Variants in LRRFIP1 observed in about 807,000 individuals in gnomAD.
LRRFIP1 encodes the protein LRR binding FLII interacting protein 1.
A neutral mutation model predicts 104.4 loss-of-function variants in LRRFIP1; 62 were observed. The ratio of observed to expected loss-of-function variants is 0.59; its 90% confidence interval spans 0.48 to 0.73. The LOEUF (loss-of-function observed/expected upper bound fraction) is 0.73. Among genes scored for constraint, LRRFIP1 ranks in the 30% least tolerant of loss-of-function variants. The pLI is 0.00. For synonymous variants in LRRFIP1, 300 were observed against 299.0 expected (o/e 1.00, Z -0.03); for missense variants, 796 against 824.5 (o/e 0.97, Z 0.42).
chr2:237,770,494 C>T (rs1460783567), intron 20 of LRRFIP1: 1 of 157,950 alleles, frequency 6.3e-6, no homozygotes, highest in East Asian at 1.8e-4. Flanking sequence ...TTGCTCTCTC[C>T]TACCTCAAGA....
intron 1 of LRRFIP1, among the ~76,000 whole-genome samples, chr2:237,697,804 G>A (rs2149838723): frequency 6.6e-6 from 1 of 152,322 alleles, no homozygotes; most frequent in South Asian, 2.1e-4. Context: ...GCACAGGGGA[G>A]GCCCAGCCGC....
rs2150899512 is a variant in LRRFIP1 at position 237,767,014 on chromosome 2, AT to A, written c.1460-2928del. Reference sequence around the variant, plus strand: ...ATGAAAGCCCATCTCTACAAAAAAAATATACAAACAATTAGCCAGGCATGGT... The same window carrying A: ...ATGAAAGCCCATCTCTACAAAAAAAAATACAAACAATTAGCCAGGCATGGT... On this transcript the variant is annotated intron_variant, in intron 19 of 23. Transcript: ENST00000308482. Among the ~76,000 whole-genome samples, 4 of 152,304 alleles carry A rather than the reference AT, an allele frequency of 2.6e-5. 1 individual carries two copies. In the South Asian group the frequency reaches 6.2e-4, roughly 24 times the overall value.
chr2:237,735,072 C>T lies in LRRFIP1; in HGVS notation c.490-196C>T, dbSNP rs1461705954. On this transcript the variant is annotated intron_variant, in intron 9 of 23. Coordinates refer to ENST00000308482, the MANE Select transcript of LRRFIP1 (RefSeq NM_001137550.2). This position sits in a 1 kb window ranked among gnomAD's most constrained non-coding sequence, Gnocchi z 4.6. ...CACACCTCCTGACAACGACTAAAAC[C>T]GGTCTCTCCTCATTTCCTTGTCGCA... Among the ~76,000 whole-genome samples, 1 of 152,154 alleles carries T rather than the reference C, an allele frequency of 6.6e-6. No homozygotes were observed. Among genetic ancestry groups the T allele is most frequent in the African/African-American group, 2.4e-5 (1 of 41,434 alleles).
rs56258338 is a variant in LRRFIP1 at position 237,733,636 on chromosome 2, C to T, written c.445-138C>T. The T allele has an allele frequency of 5.3e-3, 3,827 of 725,802 alleles. 18 individuals carry two copies. The highest frequency in any genetic ancestry group is 0.01 in the Middle Eastern group (42 of 4,042). The allele number at this position is 725,802 out of a possible 1,614,324, so 45.0% of individuals were successfully genotyped here. ...CAAATTTGCAGAAAACACGGTGCCT[C>T]GATCGGTTTGTTTCTGTTTAACCAC... is the stretch of plus-strand genomic sequence containing the variant. On this transcript the variant is annotated intron_variant, in intron 8 of 23. Transcript: ENST00000308482.
At chr2:237,736,023 C>T (rs1431305805) in intron 10 of LRRFIP1, among the ~76,000 whole-genome samples, 2 of 152,286 alleles carry the variant, frequency 1.3e-5, no homozygotes, top group African/African-American at 4.8e-5. Flanking sequence ...TGTCTTCAAG[C>T]CCTCCAGGAA....
At chr2:237,729,887 G>T in intron 8 of LRRFIP1, 1 of 897,408 alleles carries the variant, frequency 1.1e-6, no homozygotes, top group Non-Finnish European at 1.3e-6. Flanking sequence ...AGAAACCGCA[G>T]ATTTTGTAGC....
chr2:237,713,544 C>A (rs2094200249), intron 2 of LRRFIP1, among the ~76,000 whole-genome samples: 1 of 152,062 alleles, frequency 6.6e-6, no homozygotes. Flanking sequence ...ATGTGTTCCC[C>A]CATATAAGAC....
chr2:237,686,612 G>C (rs2092390544), intron 1 of LRRFIP1, among the ~76,000 whole-genome samples: 1 of 152,204 alleles, frequency 6.6e-6, no homozygotes, highest in Non-Finnish European at 1.5e-5. Flanking sequence ...GAGGTGGTGG[G>C]AGAGGTTCAG....
intron 23 of LRRFIP1, among the ~76,000 whole-genome samples, chr2:237,775,302 G>A (rs2060984346): frequency 6.6e-6 from 1 of 152,242 alleles, no homozygotes; most frequent in East Asian, 1.9e-4. Context: ...TCCGCGCAAA[G>A]GATCAGCACG....
chr2:237,735,639 G>A lies in LRRFIP1; in HGVS notation c.555+306G>A, dbSNP rs1224526156. On this transcript the variant is annotated intron_variant, in intron 10 of 23. Coordinates refer to ENST00000308482, the MANE Select transcript of LRRFIP1 (RefSeq NM_001137550.2). This position sits in a 1 kb window ranked among gnomAD's most constrained non-coding sequence, Gnocchi z 4.6. ...GAAACCGTCTTCGGTTAATAAAAAC[G>A]GGAAAAGGACAACTTGACAGACCAC... The A allele has an allele frequency of 1.3e-5, 4 of 313,204 alleles. No individual in the cohort carries two copies. The highest frequency in any genetic ancestry group is 9.5e-5 in the Admixed American group (2 of 21,080). The allele number at this position is 313,204 out of a possible 1,614,324, so 19.4% of individuals were successfully genotyped here. A position where few individuals can be genotyped will look rare whatever the true frequency, so the allele number is the denominator to read the frequency against.
At chr2:237,730,479 C>T in intron 8 of LRRFIP1, among the ~76,000 whole-genome samples, 1 of 152,270 alleles carries the variant, frequency 6.6e-6, no homozygotes, top group East Asian at 1.9e-4. Flanking sequence ...CAAAGCTAAG[C>T]AGAGGAGGTG....
At chr2:237,723,138 C>T (rs1026559949) in intron 6 of LRRFIP1, among the ~76,000 whole-genome samples, 8 of 152,086 alleles carry the variant, frequency 5.3e-5, no homozygotes, top group African/African-American at 1.9e-4. Flanking sequence ...CTCAGAAAGT[C>T]TAGATTTTGG....
rs2085504313 is a variant in LRRFIP1 at position 237,649,341 on chromosome 2, C to G, written c.96+21601C>G. Among the ~76,000 whole-genome samples the G allele has an allele frequency of 6.6e-6, 1 of 151,930 alleles. No individual in the cohort carries two copies. Among genetic ancestry groups the G allele is most frequent in the Non-Finnish European group, 1.5e-5 (1 of 67,910 alleles). On this transcript the variant is annotated intron_variant, in intron 1 of 23. Transcript: ENST00000308482. This position sits in a 1 kb window ranked among gnomAD's most constrained non-coding sequence, Gnocchi z 4.1. ...GGTCAGGAGTTCAAGACCAACCTGGCCAACATAGTGAAACCCCATCTCTAC... is the reference window on the plus strand; with the variant it reads ...GGTCAGGAGTTCAAGACCAACCTGGGCAACATAGTGAAACCCCATCTCTAC...
intron 23 of LRRFIP1, among the ~76,000 whole-genome samples, chr2:237,778,609 T>TA (rs2061289887): frequency 6.6e-6 from 1 of 152,232 alleles, no homozygotes; most frequent in Non-Finnish European, 1.5e-5. Context: ...ATGCCTCACT[T>TA]ACCTTTTGTG....
chr2:237,707,873 C>T (rs776392713), intron 1 of LRRFIP1, among the ~76,000 whole-genome samples: 44 of 152,292 alleles, frequency 2.9e-4, no homozygotes, highest in Middle Eastern at 3.4e-3. Context: ...CAGCTAGAAC[C>T]GTTCTGCTAT....
chr2:237,753,840 GT>G (rs2058945491), intron 15 of LRRFIP1, among the ~76,000 whole-genome samples: 1 of 145,376 alleles, frequency 6.9e-6, no homozygotes, highest in Admixed American at 6.9e-5. Context: ...GTGTGTGTGT[GT>G]ATGTATGTAT....
In LRRFIP1 at chr2:237,716,555, A is replaced by G. The variant is rs556982528; in HGVS notation, c.202-1207A>G. ...TTTTTAAATCTGGCCGCCCTTCGAA[A>G]TGAAACAAAACCAAACATAGCAACA... On this transcript the variant is annotated intron_variant, in intron 3 of 23. Coordinates refer to ENST00000308482, the MANE Select transcript of LRRFIP1 (RefSeq NM_001137550.2). 3.9e-5 allele frequency among the ~76,000 whole-genome samples: 6 copies of G among 152,378 alleles called. No individual in the cohort carries two copies. In the South Asian group the frequency reaches 1.2e-3, roughly 32 times the overall value.
At chr2:237,640,379 G>A (rs922157678) in intron 1 of LRRFIP1, among the ~76,000 whole-genome samples, 1 of 152,048 alleles carries the variant, frequency 6.6e-6, no homozygotes, top group South Asian at 2.1e-4. Context: ...TCTGGAGGCA[G>A]GAAGTCCAAG....
chr2:237,774,949 C>T (rs1396551245), intron 23 of LRRFIP1, among the ~76,000 whole-genome samples: 2 of 152,248 alleles, frequency 1.3e-5, no homozygotes, highest in Non-Finnish European at 2.9e-5. Context: ...CCCAAATTAC[C>T]ATGCTTGCCA....
Sources: allele counts gnomAD v4.1 joint callset (sites outside exome capture counted in the v4.1 genomes callset), GRCh38; gene constraint gnomAD v4.1.1; non-coding constraint Gnocchi (gnomAD v3.1); transcripts MANE v1.5; gene names NCBI Gene and HGNC (gene_info 2026-07-23, HGNC 2026-07-21).